The following RPS6KC1 variants were observed in gnomAD, a reference collection of about 807,000 sequenced individuals.
RPS6KC1 encodes the protein ribosomal protein S6 kinase C1, also known as inactive ribosomal protein S6 kinase delta-1.
In RPS6KC1, 54 loss-of-function variants were observed where a neutral mutation model predicts 103.8. The ratio of observed to expected loss-of-function variants is 0.52; its 90% CI spans 0.42 to 0.65. The LOEUF (loss-of-function observed/expected upper bound fraction) is 0.65. Among genes scored for constraint, RPS6KC1 ranks in the 30% least tolerant of loss-of-function variants. The pLI, the probability that RPS6KC1 is intolerant of heterozygous loss-of-function variation, is 0.00. For missense variants in RPS6KC1, 1,151 were observed against 1,253.8 expected, an observed-to-expected ratio of 0.92 and a Z score of 1.24; for synonymous variants, 439 against 438.7, an observed-to-expected ratio of 1.00 and a Z score of -0.01.
At chr1:213,331,984 C>T in the RPS6KC1 span, among the ~76,000 whole-genome samples, 1 of 148,692 alleles carries the variant, frequency 6.7e-6, no homozygotes. Flanking sequence ...CCAGATGTTG[C>T]GGCCATTGGT....
chr1:213,349,930 G>A, the RPS6KC1 span, among the ~76,000 whole-genome samples: 1 of 152,124 alleles, frequency 6.6e-6, no homozygotes, highest in Admixed American at 6.6e-5. Flanking sequence ...TATGCTGTGT[G>A]TCAGACTCTA....
At chr1:213,220,012 TAAA>T (rs1558567268) in intron 8 of RPS6KC1, among the ~76,000 whole-genome samples, 1 of 151,928 alleles carries the variant, frequency 6.6e-6, no homozygotes, top group African/African-American at 2.4e-5. Flanking sequence ...TATAATAATT[TAAA>T]AAAACCCATC....
intron 2 of RPS6KC1, among the ~76,000 whole-genome samples, chr1:213,074,242 G>A (rs1233240650): frequency 6.6e-6 from 1 of 152,078 alleles, no homozygotes; most frequent in Admixed American, 6.6e-5. Flanking sequence ...AATATTTAAG[G>A]GAATGTTTTT....
chr1:213,685,424 A>G, the RPS6KC1 span, among the ~76,000 whole-genome samples: 1 of 152,214 alleles, frequency 6.6e-6, no homozygotes, highest in South Asian at 2.1e-4. Context: ...TGAGGTCAGG[A>G]GTTTAAGACC....
At chr1:213,735,736 G>A in the RPS6KC1 span, among the ~76,000 whole-genome samples, 1,373 of 152,292 alleles carry the variant, frequency 9.0e-3, 27 homozygotes, top group African/African-American at 0.031. Context: ...GGAAGAAAGA[G>A]AATCATTCTG....
At chr1:213,728,642 A>G in the RPS6KC1 span, among the ~76,000 whole-genome samples, 12 of 151,878 alleles carry the variant, frequency 7.9e-5, no homozygotes, top group African/African-American at 1.9e-4. Flanking sequence ...AGGCGGGGCC[A>G]CTCCCTCCTC....
the RPS6KC1 span, among the ~76,000 whole-genome samples, chr1:213,617,676 C>T: frequency 6.6e-6 from 1 of 152,188 alleles, no homozygotes; most frequent in African/African-American, 2.4e-5. Context: ...TATGTCCCTA[C>T]TGACTCCCTT....
rs1208851017 is a variant in RPS6KC1, at chr1:213,151,019, C to T, written c.836-16839C>T. ...TGACCCCCCCCACCTCCCTCCCGGACGGGGCAGCTGGCCGGGCAGAGGGGC... is the reference window on the plus strand; with the variant it reads ...TGACCCCCCCCACCTCCCTCCCGGATGGGGCAGCTGGCCGGGCAGAGGGGC... On this transcript the variant is annotated intron_variant, in intron 6 of 14. Transcript: ENST00000366960. Among the ~76,000 whole-genome samples, 78 of 130,688 alleles carry T rather than the reference C, an allele frequency of 6.0e-4. 1 individual carries two copies. Among genetic ancestry groups the T allele is most frequent in the Admixed American group, 1.3e-3 (18 of 13,458 alleles). The allele number at this position is 130,688 out of a possible 152,430, so 85.7% of individuals were successfully genotyped here. A position where few individuals can be genotyped will look rare whatever the true frequency, so the allele number is the denominator to read the frequency against.
chr1:213,323,153 T>C, the RPS6KC1 span, among the ~76,000 whole-genome samples: 2 of 152,020 alleles, frequency 1.3e-5, no homozygotes, highest in African/African-American at 2.4e-5. Context: ...TTGCCTTCTC[T>C]GACTCTGACC....
At chr1:213,632,377 C>A in the RPS6KC1 span, among the ~76,000 whole-genome samples, 1 of 152,164 alleles carries the variant, frequency 6.6e-6, no homozygotes, top group Admixed American at 6.5e-5. Context: ...CCAACTGAGC[C>A]TCCACTGGTG....
chr1:213,425,898 G>A, the RPS6KC1 span, among the ~76,000 whole-genome samples: 1 of 152,178 alleles, frequency 6.6e-6, no homozygotes, highest in Non-Finnish European at 1.5e-5. Context: ...GGGAAGGTGG[G>A]GAGGCTTCCC....
chr1:213,791,336 A>G, the RPS6KC1 span, among the ~76,000 whole-genome samples: 2 of 151,656 alleles, frequency 1.3e-5, no homozygotes, highest in Non-Finnish European at 3.0e-5. Flanking sequence ...GAAGATCTCG[A>G]GCAGAAAAGT....
the RPS6KC1 span, among the ~76,000 whole-genome samples, chr1:213,791,007 T>C: frequency 1.0e-5 from 1 of 95,430 alleles, no homozygotes; most frequent in Non-Finnish European, 1.8e-5. Context: ...CTGCAAAGAT[T>C]AGGATCCCTC....
chr1:213,181,207 T>C (rs1573061318), intron 8 of RPS6KC1, among the ~76,000 whole-genome samples: 1 of 152,240 alleles, frequency 6.6e-6, no homozygotes, highest in East Asian at 1.9e-4. Flanking sequence ...TGTGTACATG[T>C]GTGTATGGTA....
chr1:213,051,956 C>T (rs1306087677), intron 1 of RPS6KC1, among the ~76,000 whole-genome samples: 1 of 152,142 alleles, frequency 6.6e-6, no homozygotes, highest in Non-Finnish European at 1.5e-5. Flanking sequence ...AAGACAGATT[C>T]TTGGGACAGA....
chr1:213,316,268 C>A, the RPS6KC1 span, among the ~76,000 whole-genome samples: 16 of 152,330 alleles, frequency 1.1e-4, 1 homozygote, highest in African/African-American at 3.4e-4. Flanking sequence ...CCTGAGGCCT[C>A]CCCAGCCATG....
the RPS6KC1 span, among the ~76,000 whole-genome samples, chr1:213,316,196 C>T: frequency 6.6e-6 from 1 of 152,242 alleles, no homozygotes; most frequent in Non-Finnish European, 1.5e-5. Flanking sequence ...CCCCTGCTTT[C>T]CTCTCTCAGC....
chr1:213,742,891 G>T, the RPS6KC1 span, among the ~76,000 whole-genome samples: 1 of 152,240 alleles, frequency 6.6e-6, no homozygotes, highest in Non-Finnish European at 1.5e-5. Context: ...AACAGATGCT[G>T]GGGAGGCTGC....
chr1:213,448,191 T>C, the RPS6KC1 span, among the ~76,000 whole-genome samples: 1 of 128,588 alleles, frequency 7.8e-6, no homozygotes, highest in African/African-American at 3.1e-5. Context: ...GATCACACCA[T>C]TGCACTCCAG....
Sources: allele counts gnomAD v4.1 joint callset (sites outside exome capture counted in the v4.1 genomes callset), GRCh38; gene constraint gnomAD v4.1.1; transcripts MANE v1.5; gene names NCBI Gene and HGNC (gene_info 2026-07-23, HGNC 2026-07-21).